The following TERF2 variants were observed in gnomAD, a reference collection of about 807,000 sequenced individuals.
TERF2 encodes the protein telomeric repeat-binding factor 2.
TERF2 carries 16 observed loss-of-function variants against 56.1 expected under a neutral mutation model. That is an observed-to-expected ratio of 0.29 (90% CI 0.19 to 0.43). The LOEUF is 0.43. Among genes scored for constraint, TERF2 ranks in the 20% least tolerant of loss-of-function variants. TERF2 has a pLI of 1.00. For missense variants in TERF2, 547 were observed against 712.9 expected (o/e 0.77, Z 2.65); for synonymous variants, 296 against 282.1 (o/e 1.05, Z -0.50).
At chr16:69,374,740 G>A (rs2013711434) in intron 3 of TERF2, among the ~76,000 whole-genome samples, 1 of 149,670 alleles carries the variant, frequency 6.7e-6, no homozygotes, top group Non-Finnish European at 1.5e-5. Context: ...GGCTGAGGTG[G>A]GCAGATCATG....
intron 3 of TERF2, among the ~76,000 whole-genome samples, chr16:69,380,736 A>G (rs1232427480): frequency 1.3e-5 from 2 of 151,590 alleles, no homozygotes; most frequent in Non-Finnish European, 2.9e-5. Flanking sequence ...AACATCATGC[A>G]TTGGTCATCT....
chr16:69,377,273 A>C (rs1239078225), intron 3 of TERF2, among the ~76,000 whole-genome samples: 1 of 151,974 alleles, frequency 6.6e-6, no homozygotes, highest in African/African-American at 2.4e-5. Flanking sequence ...GATCAACGGG[A>C]GCTAAGTGGC....
chr16:69,374,983 AG>A (rs2142750452), intron 3 of TERF2, among the ~76,000 whole-genome samples: 1 of 152,236 alleles, frequency 6.6e-6, no homozygotes, highest in South Asian at 2.1e-4. Context: ...AGAACAAAAA[AG>A]CCGTAAGTGT....
intron 7 of TERF2, among the ~76,000 whole-genome samples, chr16:69,362,628 TA>T (rs556799700): frequency 6.3e-4 from 96 of 152,196 alleles, no homozygotes; most frequent in Admixed American, 2.7e-3. Context: ...TGGGTGTGGC[TA>T]AAAAAAGTAC....
chr16:69,361,531 A>G lies in TERF2; in HGVS notation c.1341-42T>C, dbSNP rs251796. 0.3 allele frequency: 410,557 copies of G among 1,380,914 alleles called. 64,761 individuals are homozygous for G. The highest frequency in any genetic ancestry group is 0.37 in the Admixed American group (22,009 of 59,634). The allele number at this position is 1,380,914 out of a possible 1,614,324, so 85.5% of individuals were successfully genotyped here. ...GAGAGCACAGGTATAAAACAAATTCACCCTGGATTGTCCCAGATTCTGGTC... is the reference window on the plus strand; with the variant it reads ...GAGAGCACAGGTATAAAACAAATTCGCCCTGGATTGTCCCAGATTCTGGTC... On this transcript the variant is annotated intron_variant, in intron 7 of 9. Coordinates refer to ENST00000254942, the MANE Select transcript of TERF2 (RefSeq NM_005652.5).
intron 7 of TERF2, chr16:69,365,225 C>A (rs543129622): frequency 3.3e-5 from 5 of 152,392 alleles, no homozygotes; most frequent in Admixed American, 6.5e-5. Context: ...CCAATGAGAT[C>A]CTGTATCAAA....
chr16:69,371,417 C>G (rs561955795), intron 4 of TERF2, among the ~76,000 whole-genome samples: 2 of 147,942 alleles, frequency 1.4e-5, no homozygotes, highest in African/African-American at 5.0e-5. Flanking sequence ...AAGAGAACTG[C>G]TTGAAACTGG....
intron 7 of TERF2, among the ~76,000 whole-genome samples, chr16:69,362,962 A>G (rs1018641620): frequency 6.6e-6 from 1 of 152,236 alleles, no homozygotes; most frequent in African/African-American, 2.4e-5. Flanking sequence ...AAGTTGATGA[A>G]TAAGTACATA....
chr16:69,376,325 C>G (rs1222354847), intron 3 of TERF2, among the ~76,000 whole-genome samples: 1 of 152,084 alleles, frequency 6.6e-6, no homozygotes, highest in Non-Finnish European at 1.5e-5. Flanking sequence ...CATTGAATAG[C>G]CTTCACATCT....
intron 6 of TERF2, among the ~76,000 whole-genome samples, chr16:69,368,121 C>G (rs1302487243): frequency 6.6e-6 from 1 of 152,120 alleles, no homozygotes; most frequent in Non-Finnish European, 1.5e-5. Context: ...TGAGTCAATA[C>G]GGGGGAGGCA....
chr16:69,382,369 A>T (rs894257896), intron 3 of TERF2, among the ~76,000 whole-genome samples: 3 of 152,270 alleles, frequency 2.0e-5, no homozygotes, highest in Admixed American at 6.5e-5. Context: ...TGTAAATGAG[A>T]AACTTTTACA....
At position 69,385,467 on chromosome 16, in the gene TERF2, C is replaced by T; in HGVS notation, c.399G>A (p.Leu133=). 6.2e-7 allele frequency: 1 copy of T among 1,614,102 alleles called. No homozygotes were observed. The highest frequency in any genetic ancestry group is 8.5e-7 in the Non-Finnish European group (1 of 1,180,018). ...ATCGGGACACGGTGTGCTCCTTCCC[C>T]AAGGGCCTGACAAGCAAAGCTGGGA... The part of the protein sequence containing the change: ...DIMQALLVRP[L]GKEHTVSRLL... Residue 133 remains leucine, a synonymous_variant, in exon 2 of 10, where the codon TTG becomes TTA. Transcript: ENST00000254942.
rs935333903 is a variant in TERF2, at chr16:69,356,816, GAAAA to G, written c.*78_*81del. On this transcript the variant is annotated 3_prime_UTR_variant, in exon 10 of 10. Coordinates refer to ENST00000254942, the MANE Select transcript of TERF2 (RefSeq NM_005652.5). The stretch of plus-strand genomic sequence containing the variant: ...CTCTGTCTCAAAAAAAAAAAAAAAA[GAAAA>G]AGAAAGAAAGAGCAGACTATCAGGG... 5.5e-6 allele frequency: 6 copies of G among 1,093,188 alleles called. No homozygotes were observed. Among genetic ancestry groups the G allele is most frequent in the South Asian group, 1.9e-5 (1 of 51,636 alleles). The allele number at this position is 1,093,188 out of a possible 1,614,324, so 67.7% of individuals were successfully genotyped here.
At position 69,385,455 on chromosome 16, in the gene TERF2, G is replaced by C. The variant is rs781470092; in HGVS notation, c.411C>G (p.His137Gln). Reference sequence around the variant, plus strand: ...TAACCCGCAGCAATCGGGACACGGTGTGCTCCTTCCCCAAGGGCCTGACAA... The same window carrying C: ...TAACCCGCAGCAATCGGGACACGGTCTGCTCCTTCCCCAAGGGCCTGACAA... ...ALLVRPLGKE[H>Q]TVSRLLRVMQ... The change falls in exon 2 of 10, where the codon CAC becomes CAG. Residue 137 changes from histidine (H) to glutamine (Q), a missense_variant. Around this residue, in one of 6 missense-constraint regions of TERF2, gnomAD observed 120 missense variants for 172.4 expected, o/e 0.70. Coordinates refer to ENST00000254942, the MANE Select transcript of TERF2 (RefSeq NM_005652.5). The C allele has an allele frequency of 6.2e-7, 1 of 1,614,142 alleles. No homozygotes were observed. The highest frequency in any genetic ancestry group is 8.5e-7 in the Non-Finnish European group (1 of 1,180,016).
chr16:69,375,506 A>C (rs8053736), intron 3 of TERF2, among the ~76,000 whole-genome samples: 2 of 152,076 alleles, frequency 1.3e-5, no homozygotes, highest in African/African-American at 2.4e-5. Flanking sequence ...CAAGTCCAGC[A>C]TGGGCAACAG....
At chr16:69,380,231 A>T (rs889451352) in intron 3 of TERF2, among the ~76,000 whole-genome samples, 12 of 152,104 alleles carry the variant, frequency 7.9e-5, no homozygotes, top group Admixed American at 3.9e-4. Flanking sequence ...AGGCATTTTT[A>T]AAAATCTGGC....
At chr16:69,382,527 A>G (rs1227024496) in intron 3 of TERF2, among the ~76,000 whole-genome samples, 1 of 152,224 alleles carries the variant, frequency 6.6e-6, no homozygotes, top group Non-Finnish European at 1.5e-5. Flanking sequence ...TCTAGTCTGT[A>G]TGACCAAGAG....
At chr16:69,364,496 C>G (rs1038269059) in intron 7 of TERF2, among the ~76,000 whole-genome samples, 2 of 151,896 alleles carry the variant, frequency 1.3e-5, no homozygotes, top group Admixed American at 6.6e-5. Flanking sequence ...TTGAGAGCCT[C>G]TGCCTGACAC....
intron 3 of TERF2, among the ~76,000 whole-genome samples, chr16:69,382,722 A>G (rs1328352582): frequency 6.6e-6 from 1 of 152,210 alleles, no homozygotes; most frequent in Non-Finnish European, 1.5e-5. Flanking sequence ...TAGGAAAGTG[A>G]GTCTTGTTAA....
Sources: gnomAD v4.1 joint callset for allele counts (sites outside exome capture counted in the v4.1 genomes callset) on GRCh38, gnomAD v4.1.1 for gene constraint, gnomAD v4.1.1 regional missense constraint, MANE v1.5 for transcripts, NCBI Gene and HGNC (gene_info 2026-07-23, HGNC 2026-07-21) for gene names.